SPAG16: variants seen among roughly 807,000 people sequenced by gnomAD.
SPAG16 encodes sperm-associated antigen 16 protein.
A neutral mutation model predicts 80.4 loss-of-function variants in SPAG16; 86 were observed. The ratio of observed to expected loss-of-function variants is 1.07; its 90% CI spans 0.90 to 1.28. The LOEUF (loss-of-function observed/expected upper bound fraction) is 1.28. Among genes scored for constraint, SPAG16 ranks in the 50% most tolerant of loss-of-function variants. The probability of loss-of-function intolerance (pLI) is 0.00; values close to 1 mark genes in which losing one functional copy is unlikely to be tolerated. For synonymous variants in SPAG16, 294 were observed against 265.9 expected (o/e 1.11, Z -1.03); for missense variants, 870 against 765.3 (o/e 1.14, Z -1.61).
intron 5 of SPAG16, among the ~76,000 whole-genome samples, chr2:213,337,923 G>C (rs1277646882): frequency 6.6e-6 from 1 of 151,982 alleles, no homozygotes; most frequent in Non-Finnish European, 1.5e-5. Context: ...ATAATCATCA[G>C]ATTCTCCAGG....
chr2:213,990,650 C>T (rs1407712079), intron 12 of SPAG16, among the ~76,000 whole-genome samples: 1 of 152,148 alleles, frequency 6.6e-6, no homozygotes, highest in Non-Finnish European at 1.5e-5. Context: ...TAAAGGTCTT[C>T]ATCCTTGTTA....
intron 15 of SPAG16, among the ~76,000 whole-genome samples, chr2:214,338,157 AT>A (rs1697426210): frequency 6.6e-6 from 1 of 152,246 alleles, no homozygotes; most frequent in Non-Finnish European, 1.5e-5. Context: ...AATCAAGTTT[AT>A]GCAGAAAATC....
intron 10 of SPAG16, among the ~76,000 whole-genome samples, chr2:213,586,434 C>A (rs993786777): frequency 6.6e-6 from 1 of 152,190 alleles, no homozygotes; most frequent in Admixed American, 6.5e-5. Flanking sequence ...AATGACCACC[C>A]AAAGGCACCA....
chr2:213,894,987 C>CAA (rs71063793), intron 11 of SPAG16, among the ~76,000 whole-genome samples: 14 of 49,310 alleles, frequency 2.8e-4, no homozygotes, highest in African/African-American at 1.4e-3. Flanking sequence ...GGCTCCATCT[C>CAA]AAAAAAAAAA....
chr2:213,785,685 T>C (rs2070293150), intron 10 of SPAG16, among the ~76,000 whole-genome samples: 1 of 152,158 alleles, frequency 6.6e-6, no homozygotes, highest in Non-Finnish European at 1.5e-5. Flanking sequence ...AATTAATAAA[T>C]GAACATTAAG....
intron 10 of SPAG16, among the ~76,000 whole-genome samples, chr2:213,772,437 A>T (rs2069307486): frequency 6.6e-6 from 1 of 152,168 alleles, no homozygotes; most frequent in South Asian, 2.1e-4. Context: ...TATGTAGCAA[A>T]TAATCTTCTA....
rs1376688099 is a variant in SPAG16 at position 213,297,325 on chromosome 2, G to C, written c.247G>C (p.Ala83Pro). The C allele has an allele frequency of 6.2e-7, 1 of 1,612,538 alleles. No homozygotes were observed. The highest frequency in any genetic ancestry group is 2.2e-5 in the East Asian group (1 of 44,792). ...AGATCTGGCAAAAGCAATTCAGATGGCCCAAGAACAGGCTACAGATACTGA... is the reference window on the plus strand; with the variant it reads ...AGATCTGGCAAAAGCAATTCAGATGCCCCAAGAACAGGCTACAGATACTGA... The part of the protein sequence containing the change: ...EEDLAKAIQM[A>P]QEQATDTEIL... Residue 83 changes from alanine to proline, a missense_variant, in exon 3 of 16, where the codon GCC becomes CCC. Transcript: ENST00000331683.
At chr2:213,365,155 G>C (rs755674911) in intron 8 of SPAG16, 14 of 152,168 alleles carry the variant, frequency 9.2e-5, no homozygotes, top group Non-Finnish European at 1.9e-4. Context: ...GTCATCCAGA[G>C]TCTTTACAAT....
At chr2:213,414,120 T>G (rs2069128618) in intron 9 of SPAG16, among the ~76,000 whole-genome samples, 1 of 152,202 alleles carries the variant, frequency 6.6e-6, no homozygotes, top group Admixed American at 6.5e-5. Flanking sequence ...TCTTTTCCAA[T>G]GTAGACAGTA....
intron 15 of SPAG16, among the ~76,000 whole-genome samples, chr2:214,356,177 C>CT (rs1698785241): frequency 6.7e-6 from 1 of 150,248 alleles, no homozygotes. Flanking sequence ...TAACCTAAAA[C>CT]TTTAAGTATA....
intron 10 of SPAG16, among the ~76,000 whole-genome samples, chr2:213,542,967 T>G (rs2076501146): frequency 6.6e-6 from 1 of 152,094 alleles, no homozygotes; most frequent in Non-Finnish European, 1.5e-5. Flanking sequence ...AGAAGATTTA[T>G]AAAGTTGGTA....
chr2:213,448,603 A>C (rs2071492910), intron 9 of SPAG16, among the ~76,000 whole-genome samples: 1 of 152,232 alleles, frequency 6.6e-6, no homozygotes, highest in Non-Finnish European at 1.5e-5. Flanking sequence ...ATAAAAAGAA[A>C]GGGAGAAATG....
Position 213,864,095 on chromosome 2 carries a change from A to T in SPAG16, c.1214+1467A>T, listed in dbSNP as rs544405855. Among the ~76,000 whole-genome samples, 8 of 152,288 alleles carry T rather than the reference A, an allele frequency of 5.3e-5. No homozygotes were observed. The East Asian group carries it at 1.5e-3, about 29-fold the overall frequency. Reference sequence around the variant, plus strand: ...AAAATGATCATTAGAAACAACAACAAAAAAAGCTCTATTTTGGTTTATTTG... The same window carrying T: ...AAAATGATCATTAGAAACAACAACATAAAAAGCTCTATTTTGGTTTATTTG... On this transcript the variant is annotated intron_variant, in intron 11 of 15. Coordinates refer to ENST00000331683, the MANE Select transcript of SPAG16 (RefSeq NM_024532.5).
intron 15 of SPAG16, among the ~76,000 whole-genome samples, chr2:214,299,725 A>G (rs1694414806): frequency 6.6e-6 from 1 of 152,180 alleles, no homozygotes; most frequent in Non-Finnish European, 1.5e-5. Context: ...GCTTTGCTGA[A>G]ACTTTTTAAT....
At chr2:213,594,063 C>A (rs1025036892) in intron 10 of SPAG16, among the ~76,000 whole-genome samples, 3 of 152,016 alleles carry the variant, frequency 2.0e-5, no homozygotes, top group Non-Finnish European at 4.4e-5. Context: ...GCGTGAGCCA[C>A]CGCGCCCGGC....
chr2:213,736,907 T>C (rs1330643167), intron 10 of SPAG16, among the ~76,000 whole-genome samples: 1 of 151,744 alleles, frequency 6.6e-6, no homozygotes, highest in Non-Finnish European at 1.5e-5. Flanking sequence ...GGTTTCACCA[T>C]GTTAGCCAGG....
chr2:213,455,807 C>G (rs1190329066), intron 9 of SPAG16, among the ~76,000 whole-genome samples: 2 of 152,282 alleles, frequency 1.3e-5, no homozygotes, highest in South Asian at 4.1e-4. Flanking sequence ...GTTGTGTGGC[C>G]TGGTTCCAGT....
chr2:213,857,099 G>A (rs1031942893), intron 10 of SPAG16, among the ~76,000 whole-genome samples: 5 of 152,026 alleles, frequency 3.3e-5, no homozygotes, highest in Admixed American at 6.6e-5. Context: ...GCATGGTGGC[G>A]GGCGCCTGAA....
At chr2:213,613,709 A>T (rs1019371751) in intron 10 of SPAG16, among the ~76,000 whole-genome samples, 10 of 151,792 alleles carry the variant, frequency 6.6e-5, no homozygotes, top group Admixed American at 2.6e-4. Context: ...TCTAGAATGC[A>T]TTTTTTTCTG....
Sources: allele counts gnomAD v4.1 joint callset (sites outside exome capture counted in the v4.1 genomes callset), GRCh38; gene constraint gnomAD v4.1.1; transcripts MANE v1.5; gene names NCBI Gene and HGNC (gene_info 2026-07-23, HGNC 2026-07-21).